Variants in COL24A1 observed in about 807,000 individuals in gnomAD.
COL24A1 encodes collagen alpha-1(XXIV) chain.
Under a neutral mutation model 253.9 loss-of-function variants are expected in COL24A1, and 224 were observed. The ratio of observed to expected loss-of-function variants is 0.88; its 90% confidence interval spans 0.79 to 0.99. The LOEUF is 0.99. COL24A1 is among the 50% of genes least tolerant of loss of function. COL24A1 has a pLI of 0.00. For missense variants in COL24A1, 2,131 were observed against 2,068.5 expected, an observed-to-expected ratio of 1.03 and a Z score of -0.59; for synonymous variants, 685 against 673.7, an observed-to-expected ratio of 1.02 and a Z score of -0.26.
intron 19 of COL24A1, among the ~76,000 whole-genome samples, chr1:85,993,305 C>T (rs774177592): frequency 3.9e-4 from 59 of 151,914 alleles, no homozygotes; most frequent in Middle Eastern, 3.4e-3. Flanking sequence ...TATATAGTCC[C>T]TCAAGTTAAA....
intron 23 of COL24A1, among the ~76,000 whole-genome samples, chr1:85,962,519 T>C (rs941183174): frequency 6.6e-5 from 10 of 152,204 alleles, no homozygotes; most frequent in Non-Finnish European, 8.8e-5. Flanking sequence ...ATACAGCATA[T>C]GCAACATATT....
At chr1:86,123,973 T>C (rs1348214085) in intron 3 of COL24A1, among the ~76,000 whole-genome samples, 1 of 151,938 alleles carries the variant, frequency 6.6e-6, no homozygotes, top group Admixed American at 6.6e-5. Flanking sequence ...TATTTTAATC[T>C]ACTTGAAATT....
chr1:85,957,557 G>T (rs1571366378), intron 24 of COL24A1, among the ~76,000 whole-genome samples: 2 of 151,986 alleles, frequency 1.3e-5, no homozygotes, highest in African/African-American at 4.8e-5. Flanking sequence ...GTTATCAAAG[G>T]CCTAATTGCA....
intron 24 of COL24A1, among the ~76,000 whole-genome samples, chr1:85,932,560 C>T (rs1687839845): frequency 9.9e-6 from 1 of 100,784 alleles, no homozygotes; most frequent in Non-Finnish European, 1.9e-5. Context: ...CTAGAAATAC[C>T]ATTTGACCCA....
chr1:85,737,367 G>T, intron 58 of COL24A1, 29 bp downstream of exon 58: 1 of 1,412,222 alleles, frequency 7.1e-7, no homozygotes, highest in Non-Finnish European at 9.9e-7. Flanking sequence ...GCAATATAAC[G>T]ACATGTGTTC....
Position 85,938,776 on chromosome 1 carries a change from A to G in COL24A1, c.2562+22473T>C, listed in dbSNP as rs76705997. Among the ~76,000 whole-genome samples, 20 of 119,878 alleles carry G rather than the reference A, an allele frequency of 1.7e-4. 4 individuals carry two copies. Among genetic ancestry groups the G allele is most frequent in the South Asian group, 1.2e-3 (3 of 2,572 alleles). The allele number at this position is 119,878 out of a possible 152,430, so 78.6% of individuals were successfully genotyped here. On this transcript the variant is annotated intron_variant, in intron 24 of 59. Coordinates refer to ENST00000370571, the MANE Select transcript of COL24A1 (RefSeq NM_152890.7). ...AGAGAGCCTTCTTGACCAAAGGTACATATACCTTTCCCAGGTTGGTCCATA... is the reference window on the plus strand; with the variant it reads ...AGAGAGCCTTCTTGACCAAAGGTACGTATACCTTTCCCAGGTTGGTCCATA...
rs1464637131 is a variant in COL24A1, at chr1:85,737,579, G to A, written c.4673-74C>T. On this transcript the variant is annotated intron_variant, in intron 57 of 59. Coordinates refer to ENST00000370571, the MANE Select transcript of COL24A1 (RefSeq NM_152890.7). ...TCCTTATAATTTCTTTTTTTTTTTT[G>A]AGAGAGAGAGTCTCATTCTGTTAGC... The A allele has an allele frequency of 1.5e-5, 14 of 921,970 alleles. No homozygotes were observed. The South Asian group carries it at 2.6e-4, about 17-fold the overall frequency. 57.1% of individuals were successfully genotyped at this position (921,970 alleles called of 1,614,324 possible).
intron 6 of COL24A1, among the ~76,000 whole-genome samples, chr1:86,089,862 A>G (rs889185954): frequency 2.6e-5 from 4 of 152,190 alleles, no homozygotes; most frequent in African/African-American, 9.7e-5. Context: ...TAGTTTCCCT[A>G]AAAAATCTAC....
In COL24A1 at chr1:85,877,169, G is replaced by T; in HGVS notation, c.2983C>A (p.Arg995=). The T allele has an allele frequency of 6.3e-7, 1 of 1,599,096 alleles. No individual in the cohort carries two copies. The highest frequency in any genetic ancestry group is 1.3e-5 in the African/African-American group (1 of 74,186). Residue 995 remains arginine (R), a synonymous_variant, in exon 33 of 60, where the codon CGA becomes AGA. Transcript: ENST00000370571. ...DRGLPGEPGL[R]GLQGDVGPPG... The stretch of plus-strand genomic sequence containing the variant: ...GGTCCAACATCACCTTGCAGTCCTC[G>T]CAGTCCCTATATTAAAATAAAATTT...
At chr1:86,039,027 T>C (rs1206820241) in intron 12 of COL24A1, among the ~76,000 whole-genome samples, 1 of 152,178 alleles carries the variant, frequency 6.6e-6, no homozygotes, top group Admixed American at 6.6e-5. Flanking sequence ...TTCATAGCAA[T>C]AGATAGCTAA....
At chr1:85,945,000 GTGTTTTTTTTTTTTTTTTT>G (rs780268623) in intron 24 of COL24A1, among the ~76,000 whole-genome samples, 580 of 36,138 alleles carry the variant, frequency 0.016, 27 homozygotes, top group African/African-American at 0.051. Context: ...GTCTATCATT[GTGTTTTTTTTTTTTTTTTT>G]TTTTTTTTTT....
At chr1:86,000,298 T>C (rs1695276436) in intron 19 of COL24A1, among the ~76,000 whole-genome samples, 1 of 152,230 alleles carries the variant, frequency 6.6e-6, no homozygotes, top group Admixed American at 6.5e-5. Context: ...AGTTTACATA[T>C]AGATTTCGTT....
At chr1:85,874,903 A>G (rs1196360134) in intron 34 of COL24A1, among the ~76,000 whole-genome samples, 3 of 152,214 alleles carry the variant, frequency 2.0e-5, no homozygotes, top group Non-Finnish European at 2.9e-5. Flanking sequence ...CTCCTGTCAG[A>G]TCAGTGGCAG....
In COL24A1 at chr1:85,735,084, TG is replaced by T. The variant is rs1663909252; in HGVS notation, c.4783-121del. ...TCCAGAAAGCTCCTTTCCTTGGAAC[TG>T]AAGTGCCAGTCAGTGGTGTGCTGGT... is the stretch of plus-strand genomic sequence containing the variant. On this transcript the variant is annotated intron_variant, in intron 58 of 59. Transcript: ENST00000370571. The T allele has an allele frequency of 1.9e-5, 16 of 827,054 alleles. No individual in the cohort carries two copies. The East Asian group carries it at 4.2e-4, about 22-fold the overall frequency. 51.2% of individuals were successfully genotyped at this position (827,054 alleles called of 1,614,324 possible).
intron 19 of COL24A1, among the ~76,000 whole-genome samples, chr1:86,008,483 G>A (rs1696178880): frequency 6.6e-6 from 1 of 152,088 alleles, no homozygotes; most frequent in East Asian, 1.9e-4. Flanking sequence ...CTGGGCTCAA[G>A]CAATCCCCGG....
chr1:85,965,728 AG>A (rs1490602451), intron 22 of COL24A1, among the ~76,000 whole-genome samples: 1 of 152,162 alleles, frequency 6.6e-6, no homozygotes, highest in Non-Finnish European at 1.5e-5. Flanking sequence ...ACCTAAAGAA[AG>A]GGACAAGTTA....
chr1:86,040,611 C>T (rs533550482), intron 12 of COL24A1, among the ~76,000 whole-genome samples: 8 of 151,886 alleles, frequency 5.3e-5, no homozygotes, highest in Non-Finnish European at 7.4e-5. Flanking sequence ...ACATGTAGTT[C>T]ATTGGGTGTC....
chr1:85,876,494 T>C (rs1681178637), intron 33 of COL24A1, among the ~76,000 whole-genome samples: 1 of 152,110 alleles, frequency 6.6e-6, no homozygotes, highest in East Asian at 1.9e-4. Flanking sequence ...AAATCAATAA[T>C]TGGATCTGAG....
At chr1:86,102,879 A>C (rs1221363958) in intron 5 of COL24A1, among the ~76,000 whole-genome samples, 1 of 152,170 alleles carries the variant, frequency 6.6e-6, no homozygotes, top group African/African-American at 2.4e-5. Context: ...TGAGTTCTGT[A>C]GATGTCTATC....
Sources: gnomAD v4.1 joint callset for allele counts (sites outside exome capture counted in the v4.1 genomes callset) on GRCh38, gnomAD v4.1.1 for gene constraint, MANE v1.5 for transcripts, NCBI Gene and HGNC (gene_info 2026-07-23, HGNC 2026-07-21) for gene names.